Variants in DAB1 observed in about 807,000 individuals in gnomAD.
DAB1 encodes disabled homolog 1.
In DAB1, 15 loss-of-function variants were observed where a neutral mutation model predicts 64.6. The observed-to-expected ratio is 0.23, with a 90% confidence interval of 0.16 to 0.36. The LOEUF (loss-of-function observed/expected upper bound fraction) is 0.36, where lower values mean the gene tolerates loss of function less well. Among genes scored for constraint, DAB1 ranks in the 10% least tolerant of loss-of-function variants. The pLI is 1.00. For missense variants in DAB1, 596 were observed against 706.7 expected, an observed-to-expected ratio of 0.84 and a Z score of 1.78; for synonymous variants, 235 against 251.9, an observed-to-expected ratio of 0.93 and a Z score of 0.64.
intron 1 of DAB1, among the ~76,000 whole-genome samples, chr1:57,408,038 G>T (rs1176682342): frequency 1.3e-5 from 2 of 152,218 alleles, no homozygotes; most frequent in East Asian, 1.9e-4. Flanking sequence ...AATATTGTAT[G>T]CCCACGTCTC....
chr1:57,561,967 C>A (rs1645057905), intron 7 of DAB1, among the ~76,000 whole-genome samples: 1 of 152,242 alleles, frequency 6.6e-6, no homozygotes, highest in South Asian at 2.1e-4. Flanking sequence ...GCCGATCCCA[C>A]ATGCAATGCT....
intron 4 of DAB1, among the ~76,000 whole-genome samples, chr1:58,173,619 C>A (rs1180469963): frequency 1.3e-5 from 2 of 152,180 alleles, no homozygotes. Flanking sequence ...CCCTTTCCAG[C>A]CACACACCGG....
At chr1:57,887,895 ATAAAT>A (rs1050639125), upstream of DAB1, among the ~76,000 whole-genome samples, 12 of 152,356 alleles carry the variant, frequency 7.9e-5, no homozygotes, top group Non-Finnish European at 4.4e-5. Context: ...AGGGAAAAAA[ATAAAT>A]TAAATGTGCG....
intron 4 of DAB1, among the ~76,000 whole-genome samples, chr1:58,232,674 GGGCAGAAAA>G (rs1659836924): frequency 6.6e-6 from 1 of 152,152 alleles, no homozygotes; most frequent in African/African-American, 2.4e-5. Flanking sequence ...CTCAAAAGGT[GGGCAGAAAA>G]GGCACTCGGA....
At chr1:57,888,276 G>A (rs968677311), upstream of DAB1, among the ~76,000 whole-genome samples, 1 of 151,976 alleles carries the variant, frequency 6.6e-6, no homozygotes, top group African/African-American at 2.4e-5. Flanking sequence ...CAAACATACC[G>A]AGACAAGTCA....
chr1:58,517,192 C>T (rs564380249), intron 2 of DAB1, among the ~76,000 whole-genome samples: 1 of 152,282 alleles, frequency 6.6e-6, no homozygotes, highest in South Asian at 2.1e-4. Context: ...GAGACAAGAG[C>T]TCAAACACAC....
At chr1:57,188,230 C>T (rs2100993921) in intron 2 of DAB1, among the ~76,000 whole-genome samples, 1 of 152,230 alleles carries the variant, frequency 6.6e-6, no homozygotes, top group South Asian at 2.1e-4. Flanking sequence ...TGAGGCTTCT[C>T]CAGGCAAGTT....
chr1:58,236,761 C>T (rs1660062518), intron 4 of DAB1, among the ~76,000 whole-genome samples: 1 of 152,192 alleles, frequency 6.6e-6, no homozygotes, highest in Admixed American at 6.5e-5. Flanking sequence ...CCACACAGGC[C>T]AAATGTCAAT....
At chr1:57,494,304 G>T (rs1644203787) in intron 7 of DAB1, among the ~76,000 whole-genome samples, 1 of 151,258 alleles carries the variant, frequency 6.6e-6, no homozygotes, top group Non-Finnish European at 1.5e-5. Context: ...GAAGTTCCAG[G>T]TTTCTATTTG....
chr1:57,951,020 T>C (rs1178850823), intron 5 of DAB1, among the ~76,000 whole-genome samples: 3 of 152,036 alleles, frequency 2.0e-5, no homozygotes, highest in African/African-American at 4.8e-5. Flanking sequence ...AACTAACAAA[T>C]TGGGAGGCTT....
At chr1:57,283,458 T>C (rs544249447) in intron 2 of DAB1, among the ~76,000 whole-genome samples, 40 of 152,342 alleles carry the variant, frequency 2.6e-4, no homozygotes, top group Admixed American at 1.0e-3. Context: ...GAATATTTCT[T>C]AATCTTGATT....
intron 9 of DAB1, chr1:57,033,270 C>A (rs1333208763): frequency 1.8e-6 from 2 of 1,091,786 alleles, no homozygotes; most frequent in Non-Finnish European, 2.8e-6. Flanking sequence ...GAATAGGTAC[C>A]TACTAGAGCA....
chr1:57,214,029 G>A (rs1164625313), intron 2 of DAB1, among the ~76,000 whole-genome samples: 1 of 152,202 alleles, frequency 6.6e-6, no homozygotes, highest in Admixed American at 6.5e-5. Context: ...GTATAATGCA[G>A]TCACTGAAGA....
intron 1 of DAB1, among the ~76,000 whole-genome samples, chr1:57,372,647 A>T (rs1419790270): frequency 6.6e-6 from 1 of 152,030 alleles, no homozygotes; most frequent in Admixed American, 6.6e-5. Flanking sequence ...AATACATCTA[A>T]GCTCCTGTTT....
chr1:57,843,314 G>C (rs1424299495), intron 1 of DAB1, among the ~76,000 whole-genome samples: 1 of 152,102 alleles, frequency 6.6e-6, no homozygotes, highest in African/African-American at 2.4e-5. Context: ...TAACACAATA[G>C]CAAGAATGTA....
At chr1:57,229,194 T>G (rs1403672715) in intron 2 of DAB1, among the ~76,000 whole-genome samples, 1 of 145,178 alleles carries the variant, frequency 6.9e-6, no homozygotes, top group Non-Finnish European at 1.5e-5. Context: ...TCACTTCTTC[T>G]TCTTTTTTTT....
chr1:58,393,952 G>A (rs139020681), intron 3 of DAB1, among the ~76,000 whole-genome samples: 4 of 152,138 alleles, frequency 2.6e-5, no homozygotes, highest in Admixed American at 6.5e-5. Flanking sequence ...TTATGTAAAC[G>A]TATTTCAAAA....
intron 7 of DAB1, among the ~76,000 whole-genome samples, chr1:57,487,847 T>C (rs980353606): frequency 2.0e-5 from 3 of 152,214 alleles, no homozygotes; most frequent in Admixed American, 2.0e-4. Flanking sequence ...ACTCAACTTT[T>C]TAACGCTGAC....
chr1:57,782,502 T>C (rs1487547105), intron 6 of DAB1, among the ~76,000 whole-genome samples: 1 of 152,182 alleles, frequency 6.6e-6, no homozygotes, highest in Non-Finnish European at 1.5e-5. Context: ...TTAAATTGGC[T>C]AATTTCCCTA....
Sources: allele counts gnomAD v4.1 joint callset (sites outside exome capture counted in the v4.1 genomes callset), GRCh38; gene constraint gnomAD v4.1.1; transcripts MANE v1.5; gene names NCBI Gene and HGNC (gene_info 2026-07-23, HGNC 2026-07-21).